The following FAM240B variants were observed in gnomAD, a reference collection of about 807,000 sequenced individuals.
The protein encoded by FAM240B is protein FAM240B.
chr9:38,710,285 T>A (rs181882981), intron 1 of FAM240B, among the ~76,000 whole-genome samples: 1 of 152,278 alleles, frequency 6.6e-6, no homozygotes, highest in East Asian at 1.9e-4. Context: ...TCTTTTAAAT[T>A]CCCTCTAAAC....
At chr9:38,708,597 G>A (rs138600936) in intron 1 of FAM240B, among the ~76,000 whole-genome samples, 56 of 152,228 alleles carry the variant, frequency 3.7e-4, no homozygotes, top group South Asian at 2.3e-3. Flanking sequence ...TCACTTGCTC[G>A]GAGCCCCTTT....
chr9:38,706,423 CTG>C (rs1564000364), intron 1 of FAM240B, among the ~76,000 whole-genome samples: 1 of 152,182 alleles, frequency 6.6e-6, no homozygotes, highest in African/African-American at 2.4e-5. Flanking sequence ...TTACCCTTTC[CTG>C]TGACTGATGG....
At chr9:38,717,704 A>G (rs577093522) in intron 1 of FAM240B, among the ~76,000 whole-genome samples, 11 of 151,806 alleles carry the variant, frequency 7.2e-5, no homozygotes, top group Non-Finnish European at 1.2e-4. Context: ...GGATGGTCTC[A>G]ATATCCTGAC....
chr9:38,708,107 A>G (rs56369245), intron 1 of FAM240B, among the ~76,000 whole-genome samples: 8,379 of 152,202 alleles, frequency 0.055, 319 homozygotes, highest in Non-Finnish European at 0.086. Context: ...CACACTGGCC[A>G]AAGAAAACAT....
At chr9:38,709,941 CTT>C (rs998803445) in intron 1 of FAM240B, among the ~76,000 whole-genome samples, 3 of 152,140 alleles carry the variant, frequency 2.0e-5, no homozygotes, top group Non-Finnish European at 4.4e-5. Flanking sequence ...AGAGAAGAGA[CTT>C]TTCAGGGGAG....
At position 38,694,530 on chromosome 9, in the gene FAM240B, C is replaced by T. The variant is rs1821043692; in HGVS notation, c.*246G>A. ...ACCTGGAGAGTGCTAATTCCAAGAG[C>T]TCTTTTATTAAATAGCCCAAGCGTC... On this transcript the variant is annotated 3_prime_UTR_variant, in exon 3 of 3. Transcript: ENST00000637493. The T allele has an allele frequency of 2.8e-6, 1 of 357,004 alleles. No homozygotes were observed. The highest frequency in any genetic ancestry group is 5.0e-6 in the Non-Finnish European group (1 of 200,582). 22.1% of individuals were successfully genotyped at this position (357,004 alleles called of 1,614,324 possible). A position where few individuals can be genotyped will look rare whatever the true frequency, so the allele number is the denominator to read the frequency against.
intron 1 of FAM240B, among the ~76,000 whole-genome samples, chr9:38,711,659 C>CTTT (rs71365908): frequency 7.2e-6 from 1 of 138,988 alleles, no homozygotes. Flanking sequence ...CTTTCTTCTT[C>CTTT]TTTTTTTTTT....
chr9:38,699,478 G>A (rs1211532925), intron 2 of FAM240B, among the ~76,000 whole-genome samples: 1 of 152,138 alleles, frequency 6.6e-6, no homozygotes, highest in Non-Finnish European at 1.5e-5. Context: ...AAAAGAGAGG[G>A]GGGAAGTAAC....
chr9:38,698,120 C>T (rs1821087414), intron 2 of FAM240B, among the ~76,000 whole-genome samples: 1 of 152,122 alleles, frequency 6.6e-6, no homozygotes, highest in South Asian at 2.1e-4. Context: ...CTGACTGGTT[C>T]CTTTTATGAC....
At chr9:38,716,195 G>C (rs10973994) in intron 1 of FAM240B, among the ~76,000 whole-genome samples, 34,447 of 152,116 alleles carry the variant, frequency 0.23, 4,047 homozygotes, top group East Asian at 0.37. Flanking sequence ...CCCTTGGCCC[G>C]GTGCGGTGGC....
rs1233024801 is a variant in FAM240B, at chr9:38,720,099, C to G, written c.-81G>C. 6.6e-6 allele frequency: 1 copy of G among 152,254 alleles called. No individual in the cohort carries two copies. Among genetic ancestry groups the G allele is most frequent in the Non-Finnish European group, 1.5e-5 (1 of 68,072 alleles). 9.4% of individuals were successfully genotyped at this position (152,254 alleles called of 1,614,324 possible). ...ACTCCCGGGCCTGCTCTTGATTCCT[C>G]AGGTCCGGCTCAGGAAGGCCACAGA... On this transcript the variant is annotated 5_prime_UTR_variant, in exon 1 of 3. Transcript: ENST00000637493.
intron 1 of FAM240B, among the ~76,000 whole-genome samples, chr9:38,712,124 T>C (rs1448259228): frequency 6.6e-6 from 1 of 152,088 alleles, no homozygotes; most frequent in Non-Finnish European, 1.5e-5. Context: ...ACTGAGTTCT[T>C]GGGTAGCTTG....
At chr9:38,717,362 C>G (rs979608824) in intron 1 of FAM240B, among the ~76,000 whole-genome samples, 16 of 152,008 alleles carry the variant, frequency 1.1e-4, no homozygotes, top group Non-Finnish European at 2.4e-4. Context: ...GGGCGGATCA[C>G]GAGGTCAGGA....
At chr9:38,718,944 T>C (rs917411558) in intron 1 of FAM240B, among the ~76,000 whole-genome samples, 1 of 152,052 alleles carries the variant, frequency 6.6e-6, no homozygotes, top group Non-Finnish European at 1.5e-5. Flanking sequence ...TGAATAGTTA[T>C]TTTTTTTAAA....
intron 1 of FAM240B, among the ~76,000 whole-genome samples, chr9:38,706,791 C>T (rs967862820): frequency 1.3e-5 from 2 of 152,192 alleles, no homozygotes; most frequent in African/African-American, 4.8e-5. Context: ...ATTTTCTTTC[C>T]CAGGATAATC....
intron 1 of FAM240B, among the ~76,000 whole-genome samples, chr9:38,704,752 G>C (rs1215459558): frequency 6.6e-6 from 1 of 152,098 alleles, no homozygotes; most frequent in African/African-American, 2.4e-5. Context: ...ATGTGGGCCG[G>C]GCACGCTTTA....
chr9:38,710,647 G>T lies in FAM240B; in HGVS notation c.-3-6645C>A, dbSNP rs113560712. Reference sequence around the variant, plus strand: ...AAACTCAGCCCTGCAACGACAGGGCGTGGAAGTGAGTTCAGAAATGGAGCA... The same window carrying T: ...AAACTCAGCCCTGCAACGACAGGGCTTGGAAGTGAGTTCAGAAATGGAGCA... On this transcript the variant is annotated intron_variant, in intron 1 of 2. Transcript: ENST00000637493. Among the ~76,000 whole-genome samples, 809 of 152,304 alleles carry T rather than the reference G, an allele frequency of 5.3e-3. 7 individuals are homozygous for T. Among genetic ancestry groups the T allele is most frequent in the African/African-American group, 0.019 (772 of 41,554 alleles).
chr9:38,716,488 T>C (rs1475123073), intron 1 of FAM240B, among the ~76,000 whole-genome samples: 2 of 110,370 alleles, frequency 1.8e-5, no homozygotes, highest in African/African-American at 3.4e-5. Flanking sequence ...AAATAATTTT[T>C]TTAAAAAATG....
chr9:38,718,529 A>T (rs966630009), intron 1 of FAM240B, among the ~76,000 whole-genome samples: 5 of 152,226 alleles, frequency 3.3e-5, no homozygotes, highest in Non-Finnish European at 7.3e-5. Flanking sequence ...CCACCTTAAG[A>T]CAGACCCTGG....
Sources: gnomAD v4.1 joint callset for allele counts (sites outside exome capture counted in the v4.1 genomes callset) on GRCh38, gnomAD v4.1.1 for gene constraint, MANE v1.5 for transcripts, NCBI Gene and HGNC (gene_info 2026-07-23, HGNC 2026-07-21) for gene names.